The following SH3RF3 variants were observed in gnomAD, a reference collection of about 807,000 sequenced individuals.
SH3RF3 encodes the protein SH3 domain containing ring finger 3.
Under a neutral mutation model 66.3 loss-of-function variants are expected in SH3RF3, and 29 were observed. That is an observed-to-expected ratio of 0.44 (90% CI 0.33 to 0.60). The LOEUF (loss-of-function observed/expected upper bound fraction) is 0.60. Ranked by LOEUF, SH3RF3 falls within the 20% of genes least tolerant of loss-of-function variation. SH3RF3 has a pLI of 0.04. For missense variants in SH3RF3, 1,194 were observed against 1,190.9 expected (o/e 1.00, Z -0.04); for synonymous variants, 583 against 532.0 (o/e 1.10, Z -1.32).
Position 109,449,471 on chromosome 2 carries a change from C to A in SH3RF3, c.2130C>A (p.Asp710Glu), listed in dbSNP as rs146090958. 109 of 1,613,758 alleles carry A rather than the reference C, an allele frequency of 6.8e-5. No homozygotes were observed. The African/African-American group carries it at 1.3e-3, about 20-fold the overall frequency. ...CCACCAACACGGGATGCAAACTAGACGAGAAGAAAAGTGAAAAGGTAAGAG... is the reference window on the plus strand; with the variant it reads ...CCACCAACACGGGATGCAAACTAGAAGAGAAGAAAAGTGAAAAGGTAAGAG... ...SSPTNTGCKL[D>E]EKKSEKKEKK... The change falls in exon 8 of 10, where the codon GAC becomes GAA. Residue 710 changes from aspartate to glutamate, a missense_variant. Transcript: ENST00000309415.
At position 109,432,384 on chromosome 2, in the gene SH3RF3, T is replaced by G. The variant is rs1039908788; in HGVS notation, c.1404-117T>G. The G allele has an allele frequency of 1.1e-5, 14 of 1,314,306 alleles. 1 individual carries two copies. In the African/African-American group the frequency reaches 1.8e-4, roughly 16 times the overall value. The allele number at this position is 1,314,306 out of a possible 1,614,324, so 81.4% of individuals were successfully genotyped here. A position where few individuals can be genotyped will look rare whatever the true frequency, so the allele number is the denominator to read the frequency against. ...TGTAAACTGCAGAGCCCCCATAGAC[T>G]CTAGTGGGTCTTTTTAGGTTGGGTT... On this transcript the variant is annotated intron_variant, in intron 5 of 9. Transcript: ENST00000309415.
intron 2 of SH3RF3, among the ~76,000 whole-genome samples, chr2:109,352,646 C>T (rs925512168): frequency 1.3e-5 from 2 of 152,202 alleles, no homozygotes; most frequent in African/African-American, 4.8e-5. Context: ...GCTACTTTAC[C>T]CTGAAGTTAC....
intron 7 of SH3RF3, among the ~76,000 whole-genome samples, chr2:109,437,698 C>T (rs1018963794): frequency 4.6e-5 from 7 of 151,400 alleles, no homozygotes; most frequent in African/African-American, 1.2e-4. Flanking sequence ...GTTGATCCTT[C>T]GCCTTCATGG....
At chr2:109,257,212 A>G (rs10166618) in intron 1 of SH3RF3, among the ~76,000 whole-genome samples, 36,959 of 152,172 alleles carry the variant, frequency 0.24, 4,932 homozygotes, top group East Asian at 0.46. Flanking sequence ...ACATGACGGT[A>G]AGTCCTTCTT....
At chr2:109,330,675 A>G (rs1474577035) in intron 1 of SH3RF3, among the ~76,000 whole-genome samples, 1 of 152,132 alleles carries the variant, frequency 6.6e-6, no homozygotes, top group African/African-American at 2.4e-5. Context: ...GGAGTGATGG[A>G]TGGATGGATG....
intron 1 of SH3RF3, among the ~76,000 whole-genome samples, chr2:109,324,795 A>G (rs188656033): frequency 7.9e-5 from 12 of 152,318 alleles, no homozygotes; most frequent in East Asian, 5.8e-4. Context: ...GAGACCAACT[A>G]TGAATCTGCC....
chr2:109,307,692 C>A (rs1050012482), intron 1 of SH3RF3, among the ~76,000 whole-genome samples: 14 of 146,848 alleles, frequency 9.5e-5, no homozygotes, highest in East Asian at 4.0e-4. Flanking sequence ...TTTGCTCTTG[C>A]GATAGTTTAC....
intron 3 of SH3RF3, among the ~76,000 whole-genome samples, chr2:109,387,758 G>C (rs1344420041): frequency 6.6e-6 from 1 of 152,152 alleles, no homozygotes; most frequent in Non-Finnish European, 1.5e-5. Context: ...GGAGAGCAGG[G>C]GTTTTGTCTG....
chr2:109,160,408 G>A (rs1668615020), intron 1 of SH3RF3, among the ~76,000 whole-genome samples: 2 of 152,236 alleles, frequency 1.3e-5, no homozygotes. Context: ...AAATGGAAAT[G>A]AAGGAGCAGG....
intron 6 of SH3RF3, among the ~76,000 whole-genome samples, chr2:109,435,359 A>G (rs910371453): frequency 1.6e-4 from 24 of 152,204 alleles, no homozygotes; most frequent in African/African-American, 4.6e-4. Context: ...GTTCAGGACA[A>G]TTGCCAAAGC....
chr2:109,216,509 G>A (rs1560388), intron 1 of SH3RF3, among the ~76,000 whole-genome samples: 49,441 of 152,104 alleles, frequency 0.33, 9,101 homozygotes, highest in East Asian at 0.8. Flanking sequence ...CCACCTGGCC[G>A]CAAAGCTTAA....
intron 1 of SH3RF3, among the ~76,000 whole-genome samples, chr2:109,218,166 A>T (rs1014173949): frequency 7.4e-5 from 11 of 148,422 alleles, no homozygotes; most frequent in South Asian, 4.3e-4. Flanking sequence ...AAAAAAAAAA[A>T]TCCTGCCTGG....
At chr2:109,496,908 A>G (rs1049775611) in intron 9 of SH3RF3, among the ~76,000 whole-genome samples, 2 of 152,186 alleles carry the variant, frequency 1.3e-5, no homozygotes, top group Admixed American at 1.3e-4. Context: ...AGAGAGAGGC[A>G]GAGGAGAAGG....
intron 8 of SH3RF3, among the ~76,000 whole-genome samples, chr2:109,477,098 A>G (rs1369402961): frequency 1.3e-5 from 2 of 152,180 alleles, no homozygotes; most frequent in Admixed American, 6.5e-5. Context: ...TCTCAGCCTC[A>G]TGTTACCTAG....
chr2:109,227,869 C>T (rs17035204), intron 1 of SH3RF3, among the ~76,000 whole-genome samples: 6,297 of 152,284 alleles, frequency 0.041, 383 homozygotes, highest in East Asian at 0.31. Flanking sequence ...CGCCTTTCAT[C>T]GGTTTGTCTG....
chr2:109,265,292 C>A (rs564487905), intron 1 of SH3RF3, among the ~76,000 whole-genome samples: 2 of 152,262 alleles, frequency 1.3e-5, no homozygotes, highest in South Asian at 4.1e-4. Flanking sequence ...GGGCTGTGTT[C>A]GCCAACTGCT....
At chr2:109,428,246 T>A (rs947781982) in intron 5 of SH3RF3, among the ~76,000 whole-genome samples, 1 of 152,162 alleles carries the variant, frequency 6.6e-6, no homozygotes, top group African/African-American at 2.4e-5. Flanking sequence ...CAAGCCACCA[T>A]CTAGAGGAGA....
intron 4 of SH3RF3, among the ~76,000 whole-genome samples, chr2:109,414,026 A>G (rs929413557): frequency 4.6e-5 from 7 of 152,178 alleles, no homozygotes; most frequent in African/African-American, 1.2e-4. Context: ...ATGCAGCTCA[A>G]TGGACAATGA....
chr2:109,134,705 A>G (rs971579028), intron 1 of SH3RF3, among the ~76,000 whole-genome samples: 1 of 152,146 alleles, frequency 6.6e-6, no homozygotes, highest in African/African-American at 2.4e-5. Flanking sequence ...GGCCTTGGTT[A>G]GAAGAGTCCT....
Sources: allele counts gnomAD v4.1 joint callset (sites outside exome capture counted in the v4.1 genomes callset), GRCh38; gene constraint gnomAD v4.1.1; transcripts MANE v1.5; gene names NCBI Gene and HGNC (gene_info 2026-07-23, HGNC 2026-07-21).